Variants in PAFAH1B2 observed in about 807,000 individuals in gnomAD.
PAFAH1B2 encodes the protein platelet activating factor acetylhydrolase 1b catalytic subunit 2.
PAFAH1B2 carries 8 observed loss-of-function variants against 28.0 expected under a neutral mutation model. That is an observed-to-expected ratio of 0.29 (90% confidence interval 0.17 to 0.52). The LOEUF (loss-of-function observed/expected upper bound fraction) is 0.52, where lower values mean the gene tolerates loss of function less well. Among genes scored for constraint, PAFAH1B2 ranks in the 20% least tolerant of loss-of-function variants. The pLI, the probability that PAFAH1B2 is intolerant of heterozygous loss-of-function variation, is 0.97. For missense variants in PAFAH1B2, 190 were observed against 282.6 expected, an observed-to-expected ratio of 0.67 and a Z score of 2.35; for synonymous variants, 104 against 103.2, an observed-to-expected ratio of 1.01 and a Z score of -0.05.
In PAFAH1B2 at chr11:117,169,085, C is replaced by T. The variant is rs1385667551; in HGVS notation, c.*1386C>T. ...GGATTACAGGCATGAGCCACCGTGC[C>T]TGGCCTTATTGGCTTAGTTTTTAAA... On this transcript the variant is annotated 3_prime_UTR_variant, in exon 6 of 6. Coordinates refer to ENST00000527958, the MANE Select transcript of PAFAH1B2 (RefSeq NM_002572.4). 3 of 1,015,684 alleles carry T rather than the reference C, an allele frequency of 3.0e-6. No homozygotes were observed. Among genetic ancestry groups the T allele is most frequent in the African/African-American group, 3.4e-5 (2 of 58,406 alleles). 62.9% of individuals were successfully genotyped at this position (1,015,684 alleles called of 1,614,324 possible).
At chr11:117,174,640 G>A (rs796958157), downstream of PAFAH1B2, among the ~76,000 whole-genome samples, 22 of 152,130 alleles carry the variant, frequency 1.4e-4, 1 homozygote, top group African/African-American at 5.1e-4. Flanking sequence ...CACCACGCCC[G>A]GCTAATTTTG....
Position 117,169,513 on chromosome 11 carries a change from T to G in PAFAH1B2, c.*1814T>G. The G allele has an allele frequency of 9.5e-7, 1 of 1,055,108 alleles. No homozygotes were observed. Among genetic ancestry groups the G allele is most frequent in the Non-Finnish European group, 1.1e-6 (1 of 872,838 alleles). 65.4% of individuals were successfully genotyped at this position (1,055,108 alleles called of 1,614,324 possible). A position where few individuals can be genotyped will look rare whatever the true frequency, so the allele number is the denominator to read the frequency against. ...TGGAGGAGGGCTTACTGATGCGTGC[T>G]AAGACCGATTTCTGATTGAGGGATG... is the stretch of plus-strand genomic sequence containing the variant. On this transcript the variant is annotated 3_prime_UTR_variant, in exon 6 of 6. Transcript: ENST00000527958.
chr11:117,175,047 G>T, downstream of PAFAH1B2: 1 of 1,327,832 alleles, frequency 7.5e-7, no homozygotes, highest in Non-Finnish European at 9.6e-7. Flanking sequence ...CCTCAGCTGT[G>T]TGTTGAATGG....
Position 117,170,943 on chromosome 11 carries a change from C to T in PAFAH1B2, c.*3244C>T. On this transcript the variant is annotated 3_prime_UTR_variant, in exon 6 of 6. Transcript: ENST00000527958. ...CACTGCTGCTAGCTGACTGGACCTCCCCATTGGAAGTTTGTGATTTTGCTT... is the reference window on the plus strand; with the variant it reads ...CACTGCTGCTAGCTGACTGGACCTCTCCATTGGAAGTTTGTGATTTTGCTT... 9.5e-7 allele frequency: 1 copy of T among 1,056,160 alleles called. No individual in the cohort carries two copies. The highest frequency in any genetic ancestry group is 1.1e-6 in the Non-Finnish European group (1 of 873,548). 65.4% of individuals were successfully genotyped at this position (1,056,160 alleles called of 1,614,324 possible).
At chr11:117,162,698 G>C (rs978265264) in intron 4 of PAFAH1B2, among the ~76,000 whole-genome samples, 1 of 151,956 alleles carries the variant, frequency 6.6e-6, no homozygotes, top group African/African-American at 2.4e-5. Flanking sequence ...AGGTTGCAGT[G>C]AGCCAGGATC....
chr11:117,165,116 C>G (rs537470050), intron 5 of PAFAH1B2, among the ~76,000 whole-genome samples: 1 of 151,114 alleles, frequency 6.6e-6, no homozygotes, highest in Non-Finnish European at 1.5e-5. Flanking sequence ...CCACCACACC[C>G]GGCTAATTTT....
chr11:117,157,510 A>C (rs1379825454), intron 2 of PAFAH1B2, among the ~76,000 whole-genome samples: 3 of 152,170 alleles, frequency 2.0e-5, no homozygotes, highest in Admixed American at 6.5e-5. Flanking sequence ...TCACCTGTGG[A>C]TGAATATCTG....
At chr11:117,172,404 ATTTTTTTTTTTTT>A (rs375747711), downstream of PAFAH1B2, among the ~76,000 whole-genome samples, 160 of 8,618 alleles carry the variant, frequency 0.019, 1 homozygote, top group Admixed American at 0.035. Flanking sequence ...ATATATATAT[ATTTTTTTTTTTTT>A]TTTTTTTTTT....
chr11:117,168,663 C>T lies in PAFAH1B2; in HGVS notation c.*964C>T, dbSNP rs1956576737. Reference sequence around the variant, plus strand: ...TCTGGTTTTGTTTTTCCCTTAAAACCTGTTAACAGTTTTTTTTGGGGGTGG... The same window carrying T: ...TCTGGTTTTGTTTTTCCCTTAAAACTTGTTAACAGTTTTTTTTGGGGGTGG... On this transcript the variant is annotated 3_prime_UTR_variant, in exon 6 of 6. Transcript: ENST00000527958. 9.4e-7 allele frequency: 1 copy of T among 1,062,560 alleles called. No homozygotes were observed. The highest frequency in any genetic ancestry group is 1.1e-6 in the Non-Finnish European group (1 of 877,914). 65.8% of individuals were successfully genotyped at this position (1,062,560 alleles called of 1,614,324 possible).
At chr11:117,146,990 C>T (rs61905472) in intron 1 of PAFAH1B2, among the ~76,000 whole-genome samples, 4,729 of 151,652 alleles carry the variant, frequency 0.031, 99 homozygotes, top group Non-Finnish European at 0.036. Flanking sequence ...AAAAGCCGGC[C>T]GGGCGTGGTG....
chr11:117,175,542 A>T (rs1259178691), downstream of PAFAH1B2: 1 of 1,104,414 alleles, frequency 9.1e-7, no homozygotes, highest in Non-Finnish European at 1.1e-6. Flanking sequence ...GTTTGCTTGG[A>T]TGGATTTCTC....
intron 2 of PAFAH1B2, among the ~76,000 whole-genome samples, chr11:117,158,683 C>T (rs904147640): frequency 3.5e-4 from 47 of 133,474 alleles, no homozygotes; most frequent in Non-Finnish European, 5.8e-4. Flanking sequence ...TCGCTCTTGT[C>T]GCCTAGGCTG....
chr11:117,168,597 C>T lies in PAFAH1B2; in HGVS notation c.*898C>T, dbSNP rs1374181548. 1 of 1,062,620 alleles carries T rather than the reference C, an allele frequency of 9.4e-7. No individual in the cohort carries two copies. The highest frequency in any genetic ancestry group is 5.4e-5 in the Admixed American group (1 of 18,536). The allele number at this position is 1,062,620 out of a possible 1,614,324, so 65.8% of individuals were successfully genotyped here. A position where few individuals can be genotyped will look rare whatever the true frequency, so the allele number is the denominator to read the frequency against. On this transcript the variant is annotated 3_prime_UTR_variant, in exon 6 of 6. Coordinates refer to ENST00000527958, the MANE Select transcript of PAFAH1B2 (RefSeq NM_002572.4). ...ATAAAACTCATTCTTGTGTGGTGTTCTGTGCTATAGATTCTGTGTATTGCT... is the reference window on the plus strand; with the variant it reads ...ATAAAACTCATTCTTGTGTGGTGTTTTGTGCTATAGATTCTGTGTATTGCT...
chr11:117,149,444 T>TTTTTTTTTTTTTTTTA (rs55897321), intron 1 of PAFAH1B2, among the ~76,000 whole-genome samples: 1 of 142,328 alleles, frequency 7.0e-6, no homozygotes, highest in African/African-American at 2.6e-5. Context: ...TTTTTTTTTT[T>TTTTTTTTTTTTTTTTA]GAGATGGAGT....
chr11:117,168,854 G>A lies in PAFAH1B2; in HGVS notation c.*1155G>A. 2 of 613,856 alleles carry A rather than the reference G, an allele frequency of 3.3e-6. No individual in the cohort carries two copies. The highest frequency in any genetic ancestry group is 4.2e-6 in the Non-Finnish European group (2 of 477,418). The allele number at this position is 613,856 out of a possible 1,614,324, so 38.0% of individuals were successfully genotyped here. On this transcript the variant is annotated 3_prime_UTR_variant, in exon 6 of 6. Coordinates refer to ENST00000527958, the MANE Select transcript of PAFAH1B2 (RefSeq NM_002572.4). The stretch of plus-strand genomic sequence containing the variant: ...TGCCCAGGCTGGGGTGCAATGGTGT[G>A]ATCTTGGCTCACTGCAGCCTCCACC...
Position 117,163,790 on chromosome 11 carries a change from A to G in PAFAH1B2, c.309A>G (p.Gly103=). The G allele has an allele frequency of 6.2e-7, 1 of 1,613,948 alleles. No homozygotes were observed. The highest frequency in any genetic ancestry group is 8.5e-7 in the Non-Finnish European group (1 of 1,179,898). ...TGCAGGTCATTGTTGTCTGGGTAGG[A>G]ACAAATAACCACGAAAATACAGCAG... ...IKPKVIVVWV[G]TNNHENTAEE... The change falls in exon 5 of 6, where the codon GGA becomes GGG. Residue 103 remains glycine, a synonymous_variant. Transcript: ENST00000527958.
rs143325875 is a variant in PAFAH1B2, at chr11:117,168,792, T to G, written c.*1093T>G. 402 of 985,520 alleles carry G rather than the reference T, an allele frequency of 4.1e-4. 2 individuals are homozygous for G. In the African/African-American group the frequency reaches 6.4e-3, roughly 16 times the overall value. 61.0% of individuals were successfully genotyped at this position (985,520 alleles called of 1,614,324 possible). ...TTATTTTTTTTATTGGCTTAGTTGT[T>G]TTTTGTTTTGTTTTGTTTGAGATGG... On this transcript the variant is annotated 3_prime_UTR_variant, in exon 6 of 6. Coordinates refer to ENST00000527958, the MANE Select transcript of PAFAH1B2 (RefSeq NM_002572.4).
chr11:117,175,133 T>G, downstream of PAFAH1B2: 1 of 1,224,086 alleles, frequency 8.2e-7, no homozygotes, highest in Non-Finnish European at 1.0e-6. Context: ...AAATAAGCCT[T>G]ATGGCCCCAC....
intron 2 of PAFAH1B2, 113 bp from the exon 3 acceptor site, chr11:117,159,821 C>T: frequency 1.4e-6 from 1 of 709,490 alleles, no homozygotes; most frequent in Non-Finnish European, 2.5e-6. Flanking sequence ...AAACTCCTGA[C>T]CTCAAGTTAT....
Sources: gnomAD v4.1 joint callset for allele counts (sites outside exome capture counted in the v4.1 genomes callset) on GRCh38, gnomAD v4.1.1 for gene constraint, MANE v1.5 for transcripts, NCBI Gene and HGNC (gene_info 2026-07-23, HGNC 2026-07-21) for gene names.